Variants in TNIK observed in about 807,000 individuals in gnomAD.
TNIK encodes the protein TRAF2 and NCK-interacting protein kinase.
A neutral mutation model predicts 191.3 loss-of-function variants in TNIK; 49 were observed. That is an observed-to-expected ratio of 0.26 (90% CI 0.20 to 0.32). The LOEUF (loss-of-function observed/expected upper bound fraction) is 0.32. Ranked by LOEUF, TNIK falls within the 10% of genes least tolerant of loss-of-function variation. TNIK has a pLI of 1.00. For missense variants in TNIK, 1,155 were observed against 1,702.3 expected, an observed-to-expected ratio of 0.68 and a Z score of 5.66; for synonymous variants, 594 against 600.9, an observed-to-expected ratio of 0.99 and a Z score of 0.17.
chr3:171,383,480 G>A (rs1380114431), intron 1 of TNIK, among the ~76,000 whole-genome samples: 1 of 152,180 alleles, frequency 6.6e-6, no homozygotes, highest in Non-Finnish European at 1.5e-5. Flanking sequence ...AACCTGACTG[G>A]AATGCTGGTT....
intron 2 of TNIK, among the ~76,000 whole-genome samples, chr3:171,289,158 A>G (rs1445507185): frequency 1.3e-5 from 2 of 152,184 alleles, no homozygotes; most frequent in Non-Finnish European, 2.9e-5. Context: ...GGTAAGAATG[A>G]AAAAATGGTG....
chr3:171,144,041 T>G (rs146622442), intron 12 of TNIK, among the ~76,000 whole-genome samples: 75 of 152,344 alleles, frequency 4.9e-4, no homozygotes, highest in Middle Eastern at 3.4e-3. Flanking sequence ...CTAGATCTTA[T>G]TCAAATTATA....
At position 171,088,801 on chromosome 3, in the gene TNIK, A is replaced by G. The variant is rs1323585014; in HGVS notation, c.2722-1295T>C. 5.9e-5 allele frequency among the ~76,000 whole-genome samples: 9 copies of G among 152,358 alleles called. No individual in the cohort carries two copies. The South Asian group carries it at 1.9e-3, about 32-fold the overall frequency. ...TGTTGCACTTTTTAACTTTTATGCA[A>G]CTGGCTCATTGAGGATTCTTAGAGC... On this transcript the variant is annotated intron_variant, in intron 23 of 32. Coordinates refer to ENST00000436636, the MANE Select transcript of TNIK (RefSeq NM_015028.4).
chr3:171,396,872 A>G (rs1193931813), intron 1 of TNIK, among the ~76,000 whole-genome samples: 2 of 152,230 alleles, frequency 1.3e-5, no homozygotes, highest in African/African-American at 4.8e-5. Context: ...GACAACTTCA[A>G]TGATGAAACC....
intron 32 of TNIK, among the ~76,000 whole-genome samples, chr3:171,064,570 G>A (rs1560061336): frequency 6.6e-6 from 1 of 152,130 alleles, no homozygotes; most frequent in East Asian, 1.9e-4. Context: ...TCTGCTGATG[G>A]TGGCATATCC....
rs779370298 is a variant in TNIK at position 171,101,481 on chromosome 3, C to T, written c.2559G>A (p.Gly853=). ...TGGGTATGTCGCTGACAGCCACTGTCCCATCATGGGTCTCGCTCTCTCCAT... is the reference window on the plus strand; with the variant it reads ...TGGGTATGTCGCTGACAGCCACTGTTCCATCATGGGTCTCGCTCTCTCCAT... The part of the protein sequence containing the change: ...EEDGESETHD[G]TVAVSDIPRL... The change falls in exon 22 of 33, where the codon GGG becomes GGA. Residue 853 remains glycine, a synonymous_variant. Coordinates refer to ENST00000436636, the MANE Select transcript of TNIK (RefSeq NM_015028.4). The T allele has an allele frequency of 5.1e-5, 83 of 1,612,852 alleles. No individual in the cohort carries two copies. In the Admixed American group the frequency reaches 1.4e-3, roughly 26 times the overall value.
intron 1 of TNIK, among the ~76,000 whole-genome samples, chr3:171,408,099 C>A (rs1721944936): frequency 6.6e-6 from 1 of 151,954 alleles, no homozygotes. Flanking sequence ...CATAAAAAAC[C>A]ATTTTGGTGG....
At chr3:171,221,624 A>G (rs556341066) in intron 3 of TNIK, among the ~76,000 whole-genome samples, 115 of 152,208 alleles carry the variant, frequency 7.6e-4, no homozygotes, top group African/African-American at 2.7e-3. Context: ...TGTTCACTGG[A>G]TGACTCCGTA....
chr3:171,451,337 G>A (rs888711257), intron 1 of TNIK, among the ~76,000 whole-genome samples: 4 of 152,198 alleles, frequency 2.6e-5, no homozygotes, highest in South Asian at 2.1e-4. Context: ...CACCACATAA[G>A]TAAATCATCT....
At chr3:171,347,193 A>T in intron 2 of TNIK, 2 of 1,527,920 alleles carry the variant, frequency 1.3e-6, no homozygotes, top group East Asian at 2.5e-5. Context: ...AGTTGTGATA[A>T]TGCCCTTCAC....
rs750483792 is a variant in TNIK at position 171,211,143 on chromosome 3, G to A, written c.279C>T (p.Asn93=). The part of the protein sequence containing the change: ...ATYYGAFIKK[N]PPGMDDQLWL... Reference sequence around the variant, plus strand: ...AAAGTTGGTCATCCATGCCTGGTGGGTTCTTTTTGATAAAAGCACCATAGT... The same window carrying A: ...AAAGTTGGTCATCCATGCCTGGTGGATTCTTTTTGATAAAAGCACCATAGT... The change falls in exon 4 of 33, where the codon AAC becomes AAT. Residue 93 remains asparagine, a synonymous_variant. Transcript: ENST00000436636. The A allele has an allele frequency of 1.9e-6, 3 of 1,612,760 alleles. No homozygotes were observed. In the African/African-American group the frequency reaches 4.0e-5, roughly 22 times the overall value.
At chr3:171,387,355 A>G (rs1047528302) in intron 1 of TNIK, among the ~76,000 whole-genome samples, 2 of 152,154 alleles carry the variant, frequency 1.3e-5, no homozygotes, top group Non-Finnish European at 2.9e-5. Context: ...GTGCAATGCT[A>G]ACTACATAAT....
In TNIK at chr3:171,415,858, G is replaced by A. The variant is rs548565206; in HGVS notation, c.57+44149C>T. On this transcript the variant is annotated intron_variant, in intron 1 of 32. Transcript: ENST00000436636. Reference sequence around the variant, plus strand: ...TAGCCAGGCGTGGTGGCTCATGCCTGTAATCCCAGCTACTCGGGAAGCTGA... The same window carrying A: ...TAGCCAGGCGTGGTGGCTCATGCCTATAATCCCAGCTACTCGGGAAGCTGA... Among the ~76,000 whole-genome samples, 8 of 151,126 alleles carry A rather than the reference G, an allele frequency of 5.3e-5. No individual in the cohort carries two copies. The South Asian group carries it at 1.5e-3, about 28-fold the overall frequency.
intron 8 of TNIK, among the ~76,000 whole-genome samples, chr3:171,175,745 C>T (rs1266655351): frequency 1.3e-5 from 2 of 152,148 alleles, no homozygotes; most frequent in Non-Finnish European, 2.9e-5. Context: ...TTCATTATCC[C>T]GTCTATTTCT....
At chr3:171,222,092 G>C (rs13326966) in intron 3 of TNIK, among the ~76,000 whole-genome samples, 2,453 of 152,162 alleles carry the variant, frequency 0.016, 21 homozygotes, top group South Asian at 0.032. Flanking sequence ...GAAAACTGTG[G>C]CTCAGAAAAG....
intron 10 of TNIK, among the ~76,000 whole-genome samples, chr3:171,166,171 A>C (rs1193384417): frequency 4.6e-5 from 7 of 152,122 alleles, no homozygotes; most frequent in Non-Finnish European, 1.0e-4. Context: ...ATGAGTTGTT[A>C]ATTGGAATGC....
chr3:171,085,765 G>A (rs1721270416), intron 24 of TNIK, among the ~76,000 whole-genome samples: 2 of 152,282 alleles, frequency 1.3e-5, no homozygotes, highest in Middle Eastern at 3.4e-3. Flanking sequence ...CCTCAATTCA[G>A]GGATGATTTT....
In TNIK at chr3:171,388,125, T is replaced by G. The variant is rs80285364; in HGVS notation, c.58-18440A>C. Among the ~76,000 whole-genome samples the G allele has an allele frequency of 9.8e-3, 1,498 of 152,314 alleles. 17 individuals are homozygous for G. The highest frequency in any genetic ancestry group is 0.013 in the Non-Finnish European group (904 of 68,018). On this transcript the variant is annotated intron_variant, in intron 1 of 32. Coordinates refer to ENST00000436636, the MANE Select transcript of TNIK (RefSeq NM_015028.4). Reference sequence around the variant, plus strand: ...AACAGCCTGTATGTATTTTGGTGATTTCCATATATCCTAAAGTACTCAATA... The same window carrying G: ...AACAGCCTGTATGTATTTTGGTGATGTCCATATATCCTAAAGTACTCAATA...
At chr3:171,346,659 T>A (rs1412178393) in intron 2 of TNIK, among the ~76,000 whole-genome samples, 1 of 152,142 alleles carries the variant, frequency 6.6e-6, no homozygotes, top group Non-Finnish European at 1.5e-5. Flanking sequence ...GCCTGGGATC[T>A]TCTGGAGGAT....
Sources: allele counts gnomAD v4.1 joint callset (sites outside exome capture counted in the v4.1 genomes callset), GRCh38; gene constraint gnomAD v4.1.1; transcripts MANE v1.5; gene names NCBI Gene and HGNC (gene_info 2026-07-23, HGNC 2026-07-21).